The following USP53 variants were observed in gnomAD, a reference collection of about 807,000 sequenced individuals.
USP53 encodes the protein ubiquitin specific peptidase 53, also known as ubiquitin carboxyl-terminal hydrolase 53.
Under a neutral mutation model 94.9 loss-of-function variants are expected in USP53, and 71 were observed. That is an observed-to-expected ratio of 0.75 (90% CI 0.62 to 0.91). USP53 has a LOEUF of 0.91. Ranked by LOEUF, USP53 falls within the 40% of genes least tolerant of loss-of-function variation. USP53 has a pLI of 0.00. For synonymous variants in USP53, 375 were observed against 422.7 expected (o/e 0.89, Z 1.39); for missense variants, 1,173 against 1,281.0 (o/e 0.92, Z 1.29).
Position 119,291,150 on chromosome 4 carries a change from C to A in USP53, c.2252-15C>A. The A allele has an allele frequency of 7.5e-6, 7 of 937,724 alleles. No individual in the cohort carries two copies. The highest frequency in any genetic ancestry group is 1.9e-5 in the South Asian group (1 of 52,520). The allele number at this position is 937,724 out of a possible 1,614,324, so 58.1% of individuals were successfully genotyped here. A position where few individuals can be genotyped will look rare whatever the true frequency, so the allele number is the denominator to read the frequency against. ...TGTTTTCCTCATCTCTTCTCCCCACCCCACCCAACCCTAGGCTTTAGAAAA... is the reference window on the plus strand; with the variant it reads ...TGTTTTCCTCATCTCTTCTCCCCACACCACCCAACCCTAGGCTTTAGAAAA... On this transcript the variant is annotated splice_polypyrimidine_tract_variant and intron_variant, in intron 17 of 18. Transcript: ENST00000692078.
Position 119,245,321 on chromosome 4 carries a change from T to A in USP53, c.145-16T>A, listed in dbSNP as rs769795660. On this transcript the variant is annotated splice_polypyrimidine_tract_variant and intron_variant, in intron 5 of 18. Transcript: ENST00000692078. ...TTTGTTTATTTCTTTTTCCTTAACA[T>A]CTCCCTGTTTTTTAGGTTTTATGGC... 1 of 1,610,550 alleles carries A rather than the reference T, an allele frequency of 6.2e-7. No individual in the cohort carries two copies. The highest frequency in any genetic ancestry group is 1.1e-5 in the South Asian group (1 of 90,164).
intron 3 of USP53, chr4:119,219,588 A>G (rs1578403738): frequency 2.0e-5 from 3 of 152,246 alleles, no homozygotes; most frequent in Admixed American, 6.5e-5. Context: ...GGTATAATGA[A>G]TCAGGTTTAA....
rs775043651 is a variant in USP53, at chr4:119,291,269, TA to T, written c.2348+9del. 6.7e-7 allele frequency: 1 copy of T among 1,489,906 alleles called. No homozygotes were observed. The highest frequency in any genetic ancestry group is 1.2e-5 in the South Asian group (1 of 85,132). The allele number at this position is 1,489,906 out of a possible 1,614,324, so 92.3% of individuals were successfully genotyped here. On this transcript the variant is annotated intron_variant, in intron 18 of 18. Transcript: ENST00000692078. ...AAATCATTTGATAAAAAGGTAACCATATTTTTTTTCCCTAAATACATGTATT... is the reference window on the plus strand; with the variant it reads ...AAATCATTTGATAAAAAGGTAACCATTTTTTTTTCCCTAAATACATGTATT...
At chr4:119,285,319 T>C (rs1376489330) in intron 17 of USP53, among the ~76,000 whole-genome samples, 2 of 151,922 alleles carry the variant, frequency 1.3e-5, no homozygotes, top group Non-Finnish European at 3.0e-5. Context: ...GGTTATCTAC[T>C]GAGGTAAGTA....
intron 5 of USP53, among the ~76,000 whole-genome samples, chr4:119,244,436 G>A (rs1747950760): frequency 6.6e-6 from 1 of 152,046 alleles, no homozygotes; most frequent in Non-Finnish European, 1.5e-5. Flanking sequence ...TCTTAGTTAC[G>A]TTATCTGAGG....
chr4:119,293,263 C>A lies in USP53; in HGVS notation c.*52C>A. On this transcript the variant is annotated 3_prime_UTR_variant, in exon 19 of 19. Coordinates refer to ENST00000692078, the MANE Select transcript of USP53 (RefSeq NM_001371395.1). ...CATAATAATCTTGGTTCAAGCTGCC[C>A]TTCTGAACAAAGATATAAACCTAGC... The A allele has an allele frequency of 6.6e-7, 1 of 1,514,614 alleles. No homozygotes were observed. Among genetic ancestry groups the A allele is most frequent in the South Asian group, 1.3e-5 (1 of 75,134 alleles). The allele number at this position is 1,514,614 out of a possible 1,614,324, so 93.8% of individuals were successfully genotyped here. A position where few individuals can be genotyped will look rare whatever the true frequency, so the allele number is the denominator to read the frequency against.
At chr4:119,262,687 G>A (rs951024043) in intron 12 of USP53, among the ~76,000 whole-genome samples, 3 of 152,150 alleles carry the variant, frequency 2.0e-5, no homozygotes, top group South Asian at 2.1e-4. Context: ...GGGTGACAGA[G>A]GCAGAAGAAA....
intron 1 of USP53, among the ~76,000 whole-genome samples, chr4:119,213,643 T>TATATAG (rs1743217855): frequency 7.4e-6 from 1 of 134,278 alleles, no homozygotes; most frequent in Non-Finnish European, 1.6e-5. Context: ...TGGAAATAGA[T>TATATAG]ATATATATAT....
intron 4 of USP53, among the ~76,000 whole-genome samples, chr4:119,237,862 A>T (rs539603469): frequency 1.3e-5 from 2 of 152,272 alleles, no homozygotes; most frequent in South Asian, 4.2e-4. Context: ...TGTTATGGAG[A>T]TGGCATCTTT....
At chr4:119,290,823 C>T (rs2149484473) in intron 17 of USP53, among the ~76,000 whole-genome samples, 1 of 152,186 alleles carries the variant, frequency 6.6e-6, no homozygotes, top group South Asian at 2.1e-4. Flanking sequence ...TCTTCAAATG[C>T]AGGGTTTTTT....
At chr4:119,267,238 A>G in intron 12 of USP53, 82 bp from the exon 13 acceptor site, 3 of 1,365,138 alleles carry the variant, frequency 2.2e-6, no homozygotes, top group East Asian at 5.0e-5. Flanking sequence ...AAAAATATAA[A>G]GTAACTCAGA....
rs757039866 is a variant in USP53, at chr4:119,256,304, G to A, written c.431G>A (p.Cys144Tyr). 8 of 1,614,000 alleles carry A rather than the reference G, an allele frequency of 5.0e-6. No individual in the cohort carries two copies. The Admixed American group carries it at 1.2e-4, about 24-fold the overall frequency. ...HIVPSRDADM[C>Y]TSKSCITHQK... ...GTGCCAAGCAGAGATGCAGACATGTGTACCTCTAAATCTTGTATCACTCAC... is the reference window on the plus strand; with the variant it reads ...GTGCCAAGCAGAGATGCAGACATGTATACCTCTAAATCTTGTATCACTCAC... The change falls in exon 8 of 19, where the codon TGT becomes TAT. Residue 144 changes from cysteine to tyrosine, a missense_variant. Transcript: ENST00000692078.
intron 3 of USP53, among the ~76,000 whole-genome samples, chr4:119,222,060 G>T (rs1001545140): frequency 1.7e-4 from 26 of 152,054 alleles, no homozygotes; most frequent in Admixed American, 1.0e-3. Context: ...TTGCTATTTG[G>T]TGATTTTTCA....
chr4:119,246,959 T>A (rs962329569), intron 6 of USP53, among the ~76,000 whole-genome samples: 8 of 151,720 alleles, frequency 5.3e-5, no homozygotes, highest in African/African-American at 1.9e-4. Context: ...TTTTTTTTTT[T>A]AATGTATGTG....
At position 119,248,745 on chromosome 4, in the gene USP53, C is replaced by G. The variant is rs1056641668; in HGVS notation, c.238-3C>G. The G allele has an allele frequency of 1.9e-6, 3 of 1,607,818 alleles. No homozygotes were observed. The African/African-American group carries it at 4.0e-5, about 22-fold the overall frequency. On this transcript the variant is annotated splice_region_variant and splice_polypyrimidine_tract_variant and intron_variant, in intron 6 of 18. Transcript: ENST00000692078. ...ACTTACTGATTTTCTTGTCGATTCCCAGACGATATTTGCACAGTTCCAACA... is the reference window on the plus strand; with the variant it reads ...ACTTACTGATTTTCTTGTCGATTCCGAGACGATATTTGCACAGTTCCAACA...
intron 3 of USP53, among the ~76,000 whole-genome samples, chr4:119,234,383 G>A (rs761279970): frequency 1.3e-5 from 2 of 152,096 alleles, no homozygotes; most frequent in African/African-American, 2.4e-5. Flanking sequence ...GTAATCTATA[G>A]GGTTGAGATG....
Position 119,268,269 on chromosome 4 carries a change from A to T in USP53, c.1137A>T (p.Gly379=). 1 of 1,607,496 alleles carries T rather than the reference A, an allele frequency of 6.2e-7. No homozygotes were observed. The highest frequency in any genetic ancestry group is 1.3e-5 in the African/African-American group (1 of 74,448). ...TACATTTTTGCTTCTCTTTTTAAGGATGTGAAAAGCCTGTAATTCATAAGT... is the reference window on the plus strand; with the variant it reads ...TACATTTTTGCTTCTCTTTTTAAGGTTGTGAAAAGCCTGTAATTCATAAGT... ...SHYKSVAENM[G]CEKPVIHKSD... Residue 379 remains glycine (G), a splice_region_variant and synonymous_variant, in exon 14 of 19, where the codon GGA becomes GGT. Coordinates refer to ENST00000692078, the MANE Select transcript of USP53 (RefSeq NM_001371395.1).
rs537568161 is a variant in USP53, at chr4:119,262,902, A to G, written c.972+1038A>G. Among the ~76,000 whole-genome samples the G allele has an allele frequency of 1.1e-3, 172 of 152,264 alleles. 1 individual carries two copies. Among genetic ancestry groups the G allele is most frequent in the Non-Finnish European group, 1.7e-3 (117 of 68,044 alleles). ...TTGATTCAGTGGTGTAAAGCCAGGT[A>G]TCTGAAATTTTAAGTTCTACAGGAA... On this transcript the variant is annotated intron_variant, in intron 12 of 18. Transcript: ENST00000692078.
chr4:119,237,385 C>T (rs1438981029), intron 4 of USP53, among the ~76,000 whole-genome samples: 7 of 152,022 alleles, frequency 4.6e-5, no homozygotes, highest in Non-Finnish European at 8.8e-5. Context: ...GAAAGGTGGC[C>T]GCCCCCTCGC....
Sources: allele counts gnomAD v4.1 joint callset (sites outside exome capture counted in the v4.1 genomes callset), GRCh38; gene constraint gnomAD v4.1.1; transcripts MANE v1.5; gene names NCBI Gene and HGNC (gene_info 2026-07-23, HGNC 2026-07-21).